The following PCBP3 variants were observed in gnomAD, a reference collection of about 807,000 sequenced individuals.
PCBP3 encodes poly(rC)-binding protein 3.
PCBP3 carries 25 observed loss-of-function variants against 52.7 expected under a neutral mutation model. The ratio of observed to expected loss-of-function variants is 0.47; its 90% CI spans 0.35 to 0.66. The LOEUF (loss-of-function observed/expected upper bound fraction) is 0.66. Among genes scored for constraint, PCBP3 ranks in the 30% least tolerant of loss-of-function variants. The probability of loss-of-function intolerance (pLI) is 0.01; values close to 1 mark genes in which losing one functional copy is unlikely to be tolerated. For synonymous variants in PCBP3, 162 were observed against 183.0 expected, an observed-to-expected ratio of 0.89 and a Z score of 0.93; for missense variants, 391 against 490.3, an observed-to-expected ratio of 0.80 and a Z score of 1.91.
chr21:45,747,684 C>G (rs1158244176), intron 3 of PCBP3, among the ~76,000 whole-genome samples: 1 of 152,254 alleles, frequency 6.6e-6, no homozygotes, highest in Non-Finnish European at 1.5e-5. Context: ...CTTGCCCTTA[C>G]CCCGCTCCTC....
intron 5 of PCBP3, among the ~76,000 whole-genome samples, chr21:45,862,969 C>T (rs532158491): frequency 4.6e-5 from 7 of 152,348 alleles, no homozygotes; most frequent in African/African-American, 1.7e-4. Context: ...TCCTGTACCT[C>T]CTCTCTTGGC....
At chr21:45,920,992 A>G (rs928214443) in intron 13 of PCBP3, among the ~76,000 whole-genome samples, 4 of 152,234 alleles carry the variant, frequency 2.6e-5, no homozygotes, top group Non-Finnish European at 4.4e-5. Context: ...CATCGGTGTC[A>G]TGAGATTTGC....
rs182609483 is a variant in PCBP3 at position 45,781,783 on chromosome 21, A to G, written c.-126+26331A>G. On this transcript the variant is annotated intron_variant, in intron 4 of 17. Transcript: ENST00000681687. ...GGAATACTGAGTGAAGTGTATCCAT[A>G]TAGGTGTGTACATATGTTAAAACAT... 5.3e-5 allele frequency among the ~76,000 whole-genome samples: 8 copies of G among 152,364 alleles called. No homozygotes were observed. The East Asian group carries it at 1.5e-3, about 29-fold the overall frequency.
intron 1 of PCBP3, among the ~76,000 whole-genome samples, chr21:45,645,223 T>C (rs2079176886): frequency 8.9e-6 from 1 of 112,628 alleles, no homozygotes; most frequent in Admixed American, 1.0e-4. Flanking sequence ...AACTGATGTC[T>C]CACTTTCGAG....
At chr21:45,873,025 G>A (rs912294663) in intron 5 of PCBP3, 1 of 152,174 alleles carries the variant, frequency 6.6e-6, no homozygotes, top group African/African-American at 2.4e-5. Context: ...ACCTTCCTGG[G>A]TGGCACCGAG....
chr21:45,665,993 C>G (rs1603205215), intron 1 of PCBP3, among the ~76,000 whole-genome samples: 1 of 152,016 alleles, frequency 6.6e-6, no homozygotes, highest in South Asian at 2.1e-4. Context: ...ATGTGATTTA[C>G]CACATAAACA....
At chr21:45,730,388 A>T (rs982989300) in intron 2 of PCBP3, among the ~76,000 whole-genome samples, 23 of 152,034 alleles carry the variant, frequency 1.5e-4, no homozygotes, top group Admixed American at 1.5e-3. Context: ...ATTTAATTCC[A>T]TTGTGGTCAG....
intron 4 of PCBP3, among the ~76,000 whole-genome samples, chr21:45,786,697 ATGGTATGTTCC>A (rs1197847150): frequency 6.6e-6 from 1 of 152,234 alleles, no homozygotes; most frequent in Non-Finnish European, 1.5e-5. Context: ...GTTCCAACTC[ATGGTATGTTCC>A]TGTTGTTTAG....
intron 4 of PCBP3, among the ~76,000 whole-genome samples, chr21:45,824,167 T>C (rs757846237): frequency 1.3e-5 from 2 of 152,250 alleles, no homozygotes; most frequent in African/African-American, 2.4e-5. Flanking sequence ...GGGGATGTGC[T>C]GAGCCCCTCA....
chr21:45,936,447 C>T (rs1003448072), intron 16 of PCBP3, among the ~76,000 whole-genome samples: 2 of 152,260 alleles, frequency 1.3e-5, no homozygotes, highest in African/African-American at 4.8e-5. Context: ...GCATTGTGGT[C>T]CAGCCTTCTG....
At chr21:45,785,841 C>T (rs940307191) in intron 4 of PCBP3, among the ~76,000 whole-genome samples, 5 of 150,000 alleles carry the variant, frequency 3.3e-5, no homozygotes, top group Admixed American at 3.3e-4. Flanking sequence ...ACCCCCAACC[C>T]TGTGCTCTCT....
chr21:45,664,066 T>TC (rs2080610298), intron 1 of PCBP3, among the ~76,000 whole-genome samples: 1 of 149,348 alleles, frequency 6.7e-6, no homozygotes, highest in African/African-American at 2.5e-5. Context: ...AAATACAAAC[T>TC]CACATGTATA....
intron 1 of PCBP3, among the ~76,000 whole-genome samples, chr21:45,646,105 C>CTG (rs1342511407): frequency 0.034 from 3,157 of 92,746 alleles, 35 homozygotes; most frequent in East Asian, 0.073. Context: ...CTCTCTCTCT[C>CTG]TCTGTGTGTG....
At chr21:45,919,981 C>G (rs1603504543) in intron 13 of PCBP3, among the ~76,000 whole-genome samples, 1 of 152,246 alleles carries the variant, frequency 6.6e-6, no homozygotes, top group East Asian at 1.9e-4. Context: ...TGGCCCAGTT[C>G]CATTAAGGAC....
intron 4 of PCBP3, among the ~76,000 whole-genome samples, chr21:45,813,685 C>T (rs950496020): frequency 1.3e-5 from 2 of 152,214 alleles, no homozygotes; most frequent in East Asian, 1.9e-4. Flanking sequence ...CTCAAGTGAT[C>T]CACCTGCCTT....
At chr21:45,934,237 C>G (rs1219483337) in intron 15 of PCBP3, among the ~76,000 whole-genome samples, 1 of 152,098 alleles carries the variant, frequency 6.6e-6, no homozygotes, top group East Asian at 1.9e-4. Context: ...TTACAAGAAC[C>G]ACGTGGGGCC....
chr21:45,911,604 C>T (rs986909314), intron 11 of PCBP3, among the ~76,000 whole-genome samples: 7 of 152,100 alleles, frequency 4.6e-5, no homozygotes, highest in Admixed American at 1.3e-4. Flanking sequence ...CTTGAAGTTT[C>T]GGGGGGAGGA....
chr21:45,747,763 C>T (rs1337319064), intron 3 of PCBP3, among the ~76,000 whole-genome samples: 1 of 152,258 alleles, frequency 6.6e-6, no homozygotes, highest in East Asian at 1.9e-4. Context: ...TGCAGCACAC[C>T]TCTCGAGGGA....
chr21:45,742,370 G>A (rs576307032), intron 3 of PCBP3, among the ~76,000 whole-genome samples: 3 of 152,308 alleles, frequency 2.0e-5, no homozygotes, highest in Non-Finnish European at 4.4e-5. Flanking sequence ...TCTCCATCTC[G>A]AAATGCAGAA....
Sources: allele counts gnomAD v4.1 joint callset (sites outside exome capture counted in the v4.1 genomes callset), GRCh38; gene constraint gnomAD v4.1.1; transcripts MANE v1.5; gene names NCBI Gene and HGNC (gene_info 2026-07-23, HGNC 2026-07-21).